SUGCT: variants seen among roughly 807,000 people sequenced by gnomAD.
The protein encoded by SUGCT is succinyl-CoA:glutarate-CoA transferase.
In SUGCT, 41 loss-of-function variants were observed where a neutral mutation model predicts 55.0. That is an observed-to-expected ratio of 0.74 (90% CI 0.58 to 0.97). SUGCT has a LOEUF of 0.97. Ranked by LOEUF, SUGCT falls within the 50% of genes least tolerant of loss-of-function variation. The pLI, the probability that SUGCT is intolerant of heterozygous loss-of-function variation, is 0.00. For synonymous variants in SUGCT, 187 were observed against 200.4 expected (o/e 0.93, Z 0.56); for missense variants, 568 against 547.8 (o/e 1.04, Z -0.37).
the SUGCT span, among the ~76,000 whole-genome samples, chr7:41,013,636 G>A: frequency 1.3e-5 from 2 of 152,176 alleles, no homozygotes; most frequent in Non-Finnish European, 2.9e-5. Context: ...TTGTGGGTGT[G>A]TGCATGTGGC....
chr7:40,665,195 T>C (rs1801553513), intron 12 of SUGCT, among the ~76,000 whole-genome samples: 1 of 151,680 alleles, frequency 6.6e-6, no homozygotes, highest in Non-Finnish European at 1.5e-5. Flanking sequence ...TCCCAGCATT[T>C]TGGGAGGCTG....
chr7:40,742,641 G>A (rs1787525188), intron 12 of SUGCT, among the ~76,000 whole-genome samples: 1 of 152,054 alleles, frequency 6.6e-6, no homozygotes. Flanking sequence ...ACCGGTACTG[G>A]TTTGTGGACC....
chr7:40,316,032 A>G (rs1584660228), intron 8 of SUGCT, among the ~76,000 whole-genome samples: 1 of 152,178 alleles, frequency 6.6e-6, no homozygotes, highest in Non-Finnish European at 1.5e-5. Flanking sequence ...GTAGTCAGAA[A>G]TTGACTCTAA....
At chr7:40,574,619 A>G (rs1013637700) in intron 12 of SUGCT, among the ~76,000 whole-genome samples, 10 of 152,142 alleles carry the variant, frequency 6.6e-5, no homozygotes, top group African/African-American at 1.2e-4. Flanking sequence ...TTTAGTAGAG[A>G]CAGGGTTTCA....
chr7:40,239,062 A>G (rs1363506588), intron 7 of SUGCT, among the ~76,000 whole-genome samples: 1 of 151,864 alleles, frequency 6.6e-6, no homozygotes, highest in Non-Finnish European at 1.5e-5. Flanking sequence ...TTTGTGATCC[A>G]ATCCCAGTGC....
chr7:40,891,444 C>T, the SUGCT span, among the ~76,000 whole-genome samples: 1 of 152,110 alleles, frequency 6.6e-6, no homozygotes, highest in African/African-American at 2.4e-5. Flanking sequence ...AGGGAATCCT[C>T]TTCAGACTAT....
intron 8 of SUGCT, among the ~76,000 whole-genome samples, chr7:40,307,423 G>T (rs6971933): frequency 0.95 from 143,681 of 152,022 alleles, 68,429 homozygotes; most frequent in East Asian, 1. Flanking sequence ...CACTCAGAAA[G>T]TTTGAGAGTA....
intron 12 of SUGCT, among the ~76,000 whole-genome samples, chr7:40,661,490 C>A (rs1801298101): frequency 6.6e-6 from 1 of 152,222 alleles, no homozygotes; most frequent in East Asian, 1.9e-4. Flanking sequence ...GTCCTTCTTT[C>A]AAGTGCCACC....
At chr7:40,229,498 A>G (rs1369519867) in intron 6 of SUGCT, among the ~76,000 whole-genome samples, 1 of 149,778 alleles carries the variant, frequency 6.7e-6, no homozygotes, top group African/African-American at 2.5e-5. Flanking sequence ...CAGTCTGGGC[A>G]ATAGAGTGAG....
In SUGCT at chr7:40,428,522, C is replaced by CTGTG. The variant is rs56017526; in HGVS notation, c.817-20733_817-20730dup. ...TGCTCTCTCTCTTTCTCTGTCTCTG[C>CTGTG]TGTGTGTGTGTGTGTGTGTGTGTGT... On this transcript the variant is annotated intron_variant, in intron 9 of 13. Coordinates refer to ENST00000335693, the MANE Select transcript of SUGCT (RefSeq NM_001193313.2). 8.4e-4 allele frequency among the ~76,000 whole-genome samples: 126 copies of CTGTG among 149,280 alleles called. 2 individuals carry two copies. The South Asian group carries it at 0.02, about 23-fold the overall frequency.
chr7:40,433,711 G>T (rs1788029320), intron 9 of SUGCT, among the ~76,000 whole-genome samples: 1 of 152,144 alleles, frequency 6.6e-6, no homozygotes, highest in Admixed American at 6.6e-5. Flanking sequence ...AAGGTGTTTG[G>T]GGTGGAATAG....
At chr7:40,495,756 T>G (rs2151517626) in intron 11 of SUGCT, among the ~76,000 whole-genome samples, 1 of 152,332 alleles carries the variant, frequency 6.6e-6, no homozygotes, top group African/African-American at 2.4e-5. Flanking sequence ...AATATCACTC[T>G]TTGCATGTCT....
At chr7:41,002,759 T>A in the SUGCT span, among the ~76,000 whole-genome samples, 1 of 152,228 alleles carries the variant, frequency 6.6e-6, no homozygotes, top group African/African-American at 2.4e-5. Context: ...AGAAGTCTTA[T>A]TTGTTTCTTA....
chr7:40,298,334 GT>G (rs1212690610), intron 8 of SUGCT, among the ~76,000 whole-genome samples: 1 of 152,148 alleles, frequency 6.6e-6, no homozygotes, highest in Non-Finnish European at 1.5e-5. Context: ...ATATTGCATA[GT>G]TTTAATGGTG....
intron 1 of SUGCT, among the ~76,000 whole-genome samples, chr7:40,157,154 G>A (rs1783938754): frequency 6.6e-6 from 1 of 152,128 alleles, no homozygotes; most frequent in South Asian, 2.1e-4. Flanking sequence ...GAGTGTTGGA[G>A]GCATTCCCAA....
intron 9 of SUGCT, among the ~76,000 whole-genome samples, chr7:40,430,789 C>T (rs1787850046): frequency 6.6e-6 from 1 of 152,032 alleles, no homozygotes; most frequent in South Asian, 2.1e-4. Flanking sequence ...GTCTTATACC[C>T]ATTTTTAGTT....
At chr7:40,730,384 G>T (rs2128694724) in intron 12 of SUGCT, among the ~76,000 whole-genome samples, 1 of 152,298 alleles carries the variant, frequency 6.6e-6, no homozygotes, top group African/African-American at 2.4e-5. Flanking sequence ...TGGGATTACA[G>T]GTGTGAGCCA....
chr7:40,143,499 G>C (rs1469403291), intron 1 of SUGCT, among the ~76,000 whole-genome samples: 1 of 152,230 alleles, frequency 6.6e-6, no homozygotes, highest in Non-Finnish European at 1.5e-5. Flanking sequence ...CCCATGCCTG[G>C]TTGACTGGAT....
chr7:40,493,264 A>T (rs1160344093), intron 11 of SUGCT, among the ~76,000 whole-genome samples: 1 of 152,166 alleles, frequency 6.6e-6, no homozygotes, highest in Non-Finnish European at 1.5e-5. Flanking sequence ...TCAAATGAGG[A>T]TAATACTGTA....
Sources: allele counts gnomAD v4.1 joint callset (sites outside exome capture counted in the v4.1 genomes callset), GRCh38; gene constraint gnomAD v4.1.1; transcripts MANE v1.5; gene names NCBI Gene and HGNC (gene_info 2026-07-23, HGNC 2026-07-21).